Variants in WARS1 observed in about 807,000 individuals in gnomAD.
The protein encoded by WARS1 is tryptophan--tRNA ligase, cytoplasmic.
WARS1 carries 17 observed loss-of-function variants against 47.8 expected under a neutral mutation model. The observed-to-expected ratio is 0.36, with a 90% CI of 0.24 to 0.53. The LOEUF is 0.53. WARS1 is among the 20% of genes least tolerant of loss of function. The pLI is 0.91. For missense variants in WARS1, 434 were observed against 608.0 expected, an observed-to-expected ratio of 0.71 and a Z score of 3.01; for synonymous variants, 208 against 228.1, an observed-to-expected ratio of 0.91 and a Z score of 0.79.
At chr14:100,371,824 G>A (rs1410125662) in intron 1 of WARS1, among the ~76,000 whole-genome samples, 1 of 152,138 alleles carries the variant, frequency 6.6e-6, no homozygotes, top group African/African-American at 2.4e-5. Context: ...GGAAGCAGAG[G>A]CGATTGCTTG....
At position 100,337,341 on chromosome 14, in the gene WARS1, C is replaced by T. The variant is rs958810447; in HGVS notation, c.1114-139G>A. On this transcript the variant is annotated intron_variant, in intron 9 of 10. Coordinates refer to ENST00000392882, the MANE Select transcript of WARS1 (RefSeq NM_004184.4). ...CCCGGGAAAGGCCAAGGCGCACAGC[C>T]GGTTGGGGGCGCACAGCCAGTGGGG... is the stretch of plus-strand genomic sequence containing the variant. 2.2e-5 allele frequency: 28 copies of T among 1,272,808 alleles called. No individual in the cohort carries two copies. The Middle Eastern group carries it at 6.6e-4, about 30-fold the overall frequency. The allele number at this position is 1,272,808 out of a possible 1,614,324, so 78.8% of individuals were successfully genotyped here. A position where few individuals can be genotyped will look rare whatever the true frequency, so the allele number is the denominator to read the frequency against.
intron 2 of WARS1, chr14:100,366,115 T>C (rs1162869858): frequency 2.2e-6 from 1 of 455,990 alleles, no homozygotes; most frequent in East Asian, 6.9e-5. Flanking sequence ...TACAGGTGCC[T>C]AGACTGGGGG....
At chr14:100,347,057 G>C (rs1461850354) in intron 6 of WARS1, among the ~76,000 whole-genome samples, 1 of 152,202 alleles carries the variant, frequency 6.6e-6, no homozygotes, top group Non-Finnish European at 1.5e-5. Context: ...GTTTACCTGT[G>C]GAGTTGACTG....
At chr14:100,340,917 CTTTTT>C (rs71113263) in intron 9 of WARS1, among the ~76,000 whole-genome samples, 1 of 137,264 alleles carries the variant, frequency 7.3e-6, no homozygotes. Context: ...TTTTTCTTTT[CTTTTT>C]TTTTTTTTTT....
chr14:100,346,862 GA>G lies in WARS1; in HGVS notation c.726-17del, dbSNP rs1323784430. 2.5e-6 allele frequency: 4 copies of G among 1,607,338 alleles called. No homozygotes were observed. Among genetic ancestry groups the G allele is most frequent in the Non-Finnish European group, 3.4e-6 (4 of 1,174,292 alleles). On this transcript the variant is annotated splice_polypyrimidine_tract_variant and intron_variant, in intron 6 of 10. Transcript: ENST00000392882. ...TGAGCTCATCCTGCAAAGACAACGA[GA>G]ATGAAATCCCAAACGGAGGGCGGCC...
chr14:100,343,951 G>T (rs938015809), intron 7 of WARS1, among the ~76,000 whole-genome samples: 2 of 152,172 alleles, frequency 1.3e-5, no homozygotes, highest in African/African-American at 4.8e-5. Flanking sequence ...CTTTTTCATT[G>T]TAATGACTAT....
chr14:100,357,607 G>A (rs57928807), intron 4 of WARS1, among the ~76,000 whole-genome samples: 9,240 of 151,870 alleles, frequency 0.061, 431 homozygotes, highest in African/African-American at 0.13. Flanking sequence ...GATTACAGGC[G>A]CCCACCACCA....
chr14:100,360,357 AC>A (rs925167627), intron 4 of WARS1, among the ~76,000 whole-genome samples, 196 bp downstream of exon 4: 4 of 152,188 alleles, frequency 2.6e-5, no homozygotes, highest in Admixed American at 2.6e-4. Flanking sequence ...AAATGAAAAA[AC>A]TAAGAGCCTG....
chr14:100,346,275 G>C (rs1037221639), intron 7 of WARS1, among the ~76,000 whole-genome samples: 1 of 152,184 alleles, frequency 6.6e-6, no homozygotes, highest in Admixed American at 6.5e-5. Flanking sequence ...GAAGGCTCCA[G>C]AAGACCTCGT....
At chr14:100,356,860 G>C (rs1288923394) in intron 4 of WARS1, among the ~76,000 whole-genome samples, 1 of 152,104 alleles carries the variant, frequency 6.6e-6, no homozygotes, top group Non-Finnish European at 1.5e-5. Flanking sequence ...TATCCCTTAT[G>C]AACACAGATG....
intron 1 of WARS1, chr14:100,374,036 A>T (rs997764860): frequency 6.6e-6 from 1 of 152,176 alleles, no homozygotes; most frequent in Non-Finnish European, 1.5e-5. Flanking sequence ...TGAACTTCAG[A>T]GGTTTTTCAA....
chr14:100,350,394 A>AAAAAG (rs1336145870), intron 6 of WARS1, among the ~76,000 whole-genome samples: 1 of 88,858 alleles, frequency 1.1e-5, no homozygotes, highest in African/African-American at 3.9e-5. Context: ...TCCATCTCAA[A>AAAAAG]AAAAGAAAAA....
At chr14:100,340,936 C>A (rs35384251) in intron 9 of WARS1, among the ~76,000 whole-genome samples, 1 of 136,184 alleles carries the variant, frequency 7.3e-6, no homozygotes, top group African/African-American at 2.7e-5. Context: ...TTTTTTTGAG[C>A]TGGAGTCTCA....
At chr14:100,346,877 C>G in intron 6 of WARS1, 31 bp from the exon 7 acceptor site, 1 of 1,592,772 alleles carries the variant, frequency 6.3e-7, no homozygotes. Flanking sequence ...AAATCCCAAA[C>G]GGAGGGCGGC....
rs1202512830 is a variant in WARS1 at position 100,373,767 on chromosome 14, A to G, written c.-74+1516T>C. ...TGAAATTAGACTGAGGAAATAGCAG[A>G]TGATCATGATCACAAGGCATATACT... is the stretch of plus-strand genomic sequence containing the variant. On this transcript the variant is annotated intron_variant, in intron 1 of 10. Transcript: ENST00000392882. This position sits in a 1 kb window ranked among gnomAD's most constrained non-coding sequence, Gnocchi z 4.4. Among the ~76,000 whole-genome samples the G allele has an allele frequency of 6.6e-6, 1 of 152,134 alleles. No homozygotes were observed. The highest frequency in any genetic ancestry group is 1.5e-5 in the Non-Finnish European group (1 of 68,032).
chr14:100,342,322 T>C, intron 9 of WARS1, 76 bp downstream of exon 9: 3 of 1,579,826 alleles, frequency 1.9e-6, no homozygotes, highest in Non-Finnish European at 2.6e-6. Context: ...CACTGCGCAG[T>C]GGTGTGTGTG....
intron 9 of WARS1, among the ~76,000 whole-genome samples, chr14:100,340,755 C>T (rs74085070): frequency 0.061 from 9,261 of 152,092 alleles, 435 homozygotes; most frequent in African/African-American, 0.13. Context: ...AGGGCCTGGG[C>T]GGGCCCTGTT....
chr14:100,335,750 C>G (rs1053200491), intron 10 of WARS1, among the ~76,000 whole-genome samples: 5 of 152,034 alleles, frequency 3.3e-5, no homozygotes, highest in Admixed American at 1.3e-4. Flanking sequence ...TAATAAAGTA[C>G]CCAAACCACA....
At chr14:100,362,198 T>G (rs1288005787) in intron 2 of WARS1, among the ~76,000 whole-genome samples, 1 of 152,192 alleles carries the variant, frequency 6.6e-6, no homozygotes, top group East Asian at 1.9e-4. Flanking sequence ...CATGAACACT[T>G]TGGGACAGTA....
Sources: allele counts gnomAD v4.1 joint callset (sites outside exome capture counted in the v4.1 genomes callset), GRCh38; gene constraint gnomAD v4.1.1; non-coding constraint Gnocchi (gnomAD v3.1); transcripts MANE v1.5; gene names NCBI Gene and HGNC (gene_info 2026-07-23, HGNC 2026-07-21).